Variants in DENND4C observed in about 807,000 individuals in gnomAD.
DENND4C encodes DENN domain containing 4C, also known as DENN domain-containing protein 4C.
A neutral mutation model predicts 203.0 loss-of-function variants in DENND4C; 108 were observed. The ratio of observed to expected loss-of-function variants is 0.53; its 90% CI spans 0.46 to 0.62. The LOEUF (loss-of-function observed/expected upper bound fraction) is 0.62, where lower values mean the gene tolerates loss of function less well. Ranked by LOEUF, DENND4C falls within the 20% of genes least tolerant of loss-of-function variation. DENND4C has a pLI of 0.00. For synonymous variants in DENND4C, 871 were observed against 792.4 expected (o/e 1.10, Z -1.67); for missense variants, 2,481 against 2,301.2 (o/e 1.08, Z -1.60).
chr9:19,295,690 A>G (rs1406051760), intron 5 of DENND4C, among the ~76,000 whole-genome samples: 1 of 151,748 alleles, frequency 6.6e-6, no homozygotes, highest in African/African-American at 2.4e-5. Flanking sequence ...AAAAAAAGAA[A>G]AAGAAAAATC....
At chr9:19,316,026 CCTTA>C (rs1229477112) in intron 10 of DENND4C, among the ~76,000 whole-genome samples, 1 of 152,068 alleles carries the variant, frequency 6.6e-6, no homozygotes, top group Non-Finnish European at 1.5e-5. Flanking sequence ...TGCTTTTAAT[CCTTA>C]CTTAAATTCC....
intron 22 of DENND4C, among the ~76,000 whole-genome samples, chr9:19,345,159 C>T (rs7029835): frequency 0.022 from 3,300 of 152,306 alleles, 126 homozygotes; most frequent in African/African-American, 0.073. Flanking sequence ...TAGGAAATAA[C>T]AGCTTTTGGT....
At chr9:19,236,215 T>C (rs1237451518) in intron 1 of DENND4C, among the ~76,000 whole-genome samples, 9 of 152,286 alleles carry the variant, frequency 5.9e-5, no homozygotes, top group African/African-American at 1.9e-4. Context: ...AAAAGGTGAC[T>C]AGTAAGGTCT....
At chr9:19,294,218 A>G (rs1056632761) in intron 5 of DENND4C, among the ~76,000 whole-genome samples, 1 of 152,132 alleles carries the variant, frequency 6.6e-6, no homozygotes, top group African/African-American at 2.4e-5. Context: ...TGTTCCAAAT[A>G]GAAGTGTGAA....
intron 1 of DENND4C, among the ~76,000 whole-genome samples, chr9:19,257,344 A>G (rs926398164): frequency 6.9e-6 from 1 of 145,578 alleles, no homozygotes; most frequent in African/African-American, 2.6e-5. Context: ...TGACAGAGTG[A>G]CACTCTGTCT....
At chr9:19,308,347 C>CT (rs541367589) in intron 10 of DENND4C, among the ~76,000 whole-genome samples, 39 of 152,272 alleles carry the variant, frequency 2.6e-4, no homozygotes, top group African/African-American at 9.1e-4. Flanking sequence ...CTTGTGGTGA[C>CT]TTTTAAATTT....
At chr9:19,351,618 G>T (rs1356763550) in intron 24 of DENND4C, among the ~76,000 whole-genome samples, 1 of 151,876 alleles carries the variant, frequency 6.6e-6, no homozygotes, top group East Asian at 1.9e-4. Flanking sequence ...ACCAGCCTGG[G>T]CAACACAGTG....
At position 19,256,318 on chromosome 9, in the gene DENND4C, T is replaced by G. The variant is rs1329157363; in HGVS notation, c.-17-19840T>G. ...TTCTGTTTTTTTTTTTGTTTTTTTT[T>G]TTTTTTTTGAGATGGAGTTTCGCTC... On this transcript the variant is annotated intron_variant, in intron 1 of 32. Coordinates refer to ENST00000434457, the MANE Select transcript of DENND4C (RefSeq NM_001330640.2). Among the ~76,000 whole-genome samples, 6 of 126,504 alleles carry G rather than the reference T, an allele frequency of 4.7e-5. 1 individual carries two copies. In the East Asian group the frequency reaches 7.1e-4, roughly 15 times the overall value. 83.0% of individuals were successfully genotyped at this position (126,504 alleles called of 152,430 possible).
chr9:19,341,220 A>T (rs1821554927), intron 21 of DENND4C, 106 bp downstream of exon 21: 1 of 962,442 alleles, frequency 1.0e-6, no homozygotes, highest in African/African-American at 1.7e-5. Context: ...CACAAATGTA[A>T]GGTCTGGCTC....
Position 19,360,422 on chromosome 9 carries a change from G to T in DENND4C, c.5339G>T (p.Arg1780Leu). 6.2e-7 allele frequency: 1 copy of T among 1,614,058 alleles called. No individual in the cohort carries two copies. Among genetic ancestry groups the T allele is most frequent in the Non-Finnish European group, 8.5e-7 (1 of 1,179,984 alleles). Residue 1780 changes from arginine to leucine, a missense_variant, in exon 29 of 33, where the codon CGT (arginine) becomes CTT (leucine). By Grantham distance (102) the Arg-to-Leu change is moderately radical (BLOSUM62 -2). Coordinates refer to ENST00000434457, the MANE Select transcript of DENND4C (RefSeq NM_001330640.2). ...TGGAACCTCGTTTGGTATTTCAGAC[G>T]TTTGGACCTTCCTAGTAACTTGCCA... ...IFWNLVWYFRRLDLPSNLPGL... is the reference protein window; with the variant it reads ...IFWNLVWYFRLLDLPSNLPGL...
Position 19,330,325 on chromosome 9 carries a change from C to T in DENND4C, c.2254-1653C>T, listed in dbSNP as rs1818780398. Among the ~76,000 whole-genome samples, 7 of 138,876 alleles carry T rather than the reference C, an allele frequency of 5.0e-5. No individual in the cohort carries two copies. In the South Asian group the frequency reaches 1.6e-3, roughly 32 times the overall value. 91.1% of individuals were successfully genotyped at this position (138,876 alleles called of 152,430 possible). A position where few individuals can be genotyped will look rare whatever the true frequency, so the allele number is the denominator to read the frequency against. On this transcript the variant is annotated intron_variant, in intron 16 of 32. Transcript: ENST00000434457. Reference sequence around the variant, plus strand: ...CGAGCTCAAAAGTAAAATTAATATACCAAGTTGGTTTTTTTTTTTTTTTTT... The same window carrying T: ...CGAGCTCAAAAGTAAAATTAATATATCAAGTTGGTTTTTTTTTTTTTTTTT...
intron 30 of DENND4C, among the ~76,000 whole-genome samples, chr9:19,364,081 T>C (rs772829134): frequency 2.0e-5 from 3 of 151,640 alleles, no homozygotes; most frequent in Non-Finnish European, 4.4e-5. Flanking sequence ...ACTTTGGGAG[T>C]CCAAGGCAGG....
At chr9:19,356,871 A>AT in intron 26 of DENND4C, 101 bp from the exon 27 acceptor site, 1 of 1,122,884 alleles carries the variant, frequency 8.9e-7, no homozygotes, top group East Asian at 2.5e-5. Context: ...ATATAATTTT[A>AT]TTAATGACTG....
In DENND4C at chr9:19,311,483, C is replaced by G. The variant is rs995433482; in HGVS notation, c.1488-4934C>G. 5.3e-5 allele frequency among the ~76,000 whole-genome samples: 8 copies of G among 152,262 alleles called. No homozygotes were observed. The South Asian group carries it at 1.7e-3, about 32-fold the overall frequency. ...TCCGTTGAATTGTGATCAGAACATT[C>G]TCTGTTACTACTTGTTGAGATTTGC... On this transcript the variant is annotated intron_variant, in intron 10 of 32. Coordinates refer to ENST00000434457, the MANE Select transcript of DENND4C (RefSeq NM_001330640.2).
chr9:19,330,526 G>T (rs1221963949), intron 16 of DENND4C, among the ~76,000 whole-genome samples: 2 of 151,688 alleles, frequency 1.3e-5, no homozygotes, highest in African/African-American at 2.4e-5. Flanking sequence ...TTTTAGTAGA[G>T]ACAGGGCTTT....
intron 12 of DENND4C, among the ~76,000 whole-genome samples, chr9:19,320,044 G>T (rs1362869565): frequency 6.6e-6 from 1 of 152,124 alleles, no homozygotes; most frequent in Non-Finnish European, 1.5e-5. Context: ...AAGAGCTGCA[G>T]TGTCCGGTAG....
intron 10 of DENND4C, among the ~76,000 whole-genome samples, chr9:19,311,066 CA>C (rs547942671): frequency 3.3e-5 from 5 of 151,876 alleles, no homozygotes; most frequent in Non-Finnish European, 7.4e-5. Flanking sequence ...TTATTTTTAT[CA>C]AAAAAATTTA....
intron 2 of DENND4C, among the ~76,000 whole-genome samples, chr9:19,281,133 G>A (rs750152891): frequency 2.0e-5 from 3 of 152,106 alleles, no homozygotes; most frequent in Non-Finnish European, 2.9e-5. Context: ...CAAAATTGTT[G>A]TTGCTTGTGA....
chr9:19,253,450 T>C (rs1827154819), intron 1 of DENND4C, among the ~76,000 whole-genome samples: 1 of 152,242 alleles, frequency 6.6e-6, no homozygotes, highest in African/African-American at 2.4e-5. Context: ...AAAAAGGAAC[T>C]GATTTTATCT....
Sources: gnomAD v4.1 joint callset for allele counts (sites outside exome capture counted in the v4.1 genomes callset) on GRCh38, gnomAD v4.1.1 for gene constraint, MANE v1.5 for transcripts, NCBI Gene and HGNC (gene_info 2026-07-23, HGNC 2026-07-21) for gene names.